TMA16: variants seen among roughly 807,000 people sequenced by gnomAD.
TMA16 encodes translation machinery-associated protein 16.
In TMA16, 26 loss-of-function variants were observed where a neutral mutation model predicts 27.1. That is an observed-to-expected ratio of 0.96 (90% CI 0.70 to 1.33). The LOEUF is 1.33. Among genes scored for constraint, TMA16 ranks in the 40% most tolerant of loss-of-function variants. The probability of loss-of-function intolerance (pLI) is 0.00; values close to 1 mark genes in which losing one functional copy is unlikely to be tolerated. For missense variants in TMA16, 233 were observed against 241.4 expected, an observed-to-expected ratio of 0.97 and a Z score of 0.23; for synonymous variants, 71 against 81.9, an observed-to-expected ratio of 0.87 and a Z score of 0.72.
intron 1 of TMA16, among the ~76,000 whole-genome samples, chr4:163,503,102 A>C (rs901512057): frequency 6.6e-6 from 1 of 152,220 alleles, no homozygotes; most frequent in Non-Finnish European, 1.5e-5. Context: ...GCAATAGGCT[A>C]TGCCATAGAG....
intron 1 of TMA16, among the ~76,000 whole-genome samples, chr4:163,503,209 T>C (rs1403716361): frequency 6.6e-6 from 1 of 152,194 alleles, no homozygotes; most frequent in East Asian, 1.9e-4. Context: ...TCCCAGAAAG[T>C]ATCCCTGTTA....
intron 6 of TMA16, 145 bp downstream of exon 6, chr4:163,517,621 T>C: frequency 1.5e-6 from 1 of 655,158 alleles, no homozygotes; most frequent in South Asian, 2.3e-5. Context: ...CAAGTAAGAA[T>C]TTTCTGAAGT....
chr4:163,519,598 A>G lies in TMA16; in HGVS notation c.*84A>G, dbSNP rs911585530. 10 of 1,294,450 alleles carry G rather than the reference A, an allele frequency of 7.7e-6. No individual in the cohort carries two copies. In the Admixed American group the frequency reaches 3.5e-4, roughly 45 times the overall value. The allele number at this position is 1,294,450 out of a possible 1,614,324, so 80.2% of individuals were successfully genotyped here. On this transcript the variant is annotated 3_prime_UTR_variant, in exon 7 of 7. Transcript: ENST00000358572. Reference sequence around the variant, plus strand: ...TATGGTACCTAATTGTCATGATACAAAAATTTGATACTGACATTCTCTTAT... The same window carrying G: ...TATGGTACCTAATTGTCATGATACAGAAATTTGATACTGACATTCTCTTAT...
chr4:163,515,272 T>C, intron 4 of TMA16, 41 bp from the exon 5 acceptor site: 1 of 1,575,956 alleles, frequency 6.3e-7, no homozygotes, highest in Non-Finnish European at 8.6e-7. Context: ...GCCCAATACA[T>C]ATACTTTGTA....
intron 1 of TMA16, among the ~76,000 whole-genome samples, chr4:163,502,407 TCTTTA>T (rs1323574631): frequency 1.3e-5 from 2 of 152,188 alleles, no homozygotes; most frequent in African/African-American, 4.8e-5. Flanking sequence ...CATCCCACTT[TCTTTA>T]CTTCTCTCAA....
At position 163,515,339 on chromosome 4, in the gene TMA16, T is replaced by A; in HGVS notation, c.266T>A (p.Leu89Gln). ...ERYLNRFSSE[L>Q]EQIELHNSIR... Reference sequence around the variant, plus strand: ...TACTTAAATCGATTCAGCAGTGAGCTGGAGCAGATTGAGTTACATAACAGT... The same window carrying A: ...TACTTAAATCGATTCAGCAGTGAGCAGGAGCAGATTGAGTTACATAACAGT... Residue 89 changes from leucine (L) to glutamine (Q), a missense_variant, in exon 5 of 7, where the codon CTG (leucine) becomes CAG (glutamine). Transcript: ENST00000358572. 1 of 1,612,534 alleles carries A rather than the reference T, an allele frequency of 6.2e-7. No individual in the cohort carries two copies. Among genetic ancestry groups the A allele is most frequent in the Non-Finnish European group, 8.5e-7 (1 of 1,179,610 alleles).
chr4:163,495,189 A>C (rs1579011821), intron 1 of TMA16, among the ~76,000 whole-genome samples: 1 of 152,302 alleles, frequency 6.6e-6, no homozygotes, highest in African/African-American at 2.4e-5. Context: ...GGGTAGACTC[A>C]GTATGTGGGC....
At chr4:163,502,020 A>G (rs556670994) in intron 1 of TMA16, among the ~76,000 whole-genome samples, 66 of 152,304 alleles carry the variant, frequency 4.3e-4, no homozygotes, top group African/African-American at 1.6e-3. Flanking sequence ...CTCAGTGCTT[A>G]TCCTAGTACA....
chr4:163,515,513 T>A (rs779575124), intron 5 of TMA16, 52 bp downstream of exon 5: 1 of 1,473,876 alleles, frequency 6.8e-7, no homozygotes, highest in Non-Finnish European at 9.1e-7. Flanking sequence ...CAGTATCAAT[T>A]TGTGATTGAT....
chr4:163,509,154 G>A (rs1200445687), intron 2 of TMA16, among the ~76,000 whole-genome samples: 1 of 152,124 alleles, frequency 6.6e-6, no homozygotes, highest in Non-Finnish European at 1.5e-5. Context: ...CACTATAGAT[G>A]TCAGTTTTTT....
chr4:163,512,610 G>A (rs1025536113), intron 2 of TMA16: 1 of 456,874 alleles, frequency 2.2e-6, no homozygotes, highest in Non-Finnish European at 4.0e-6. Context: ...TAGACATTGA[G>A]GTGCTTAAAG....
intron 6 of TMA16, among the ~76,000 whole-genome samples, chr4:163,518,347 T>C (rs1560917410): frequency 6.6e-6 from 1 of 152,138 alleles, no homozygotes; most frequent in Non-Finnish European, 1.5e-5. Flanking sequence ...TATGGCTAAG[T>C]CCTCAAGCAA....
Position 163,515,468 on chromosome 4 carries a change from T to C in TMA16, c.388+7T>C. On this transcript the variant is annotated splice_region_variant and intron_variant, in intron 5 of 6. Coordinates refer to ENST00000358572, the MANE Select transcript of TMA16 (RefSeq NM_018352.3). ...TTTGAGGGATATGGCCTTGGTGTGC[T>C]CACTGATTTTTTATTTTCCTTTTAT... 1 of 1,603,190 alleles carries C rather than the reference T, an allele frequency of 6.2e-7. No homozygotes were observed.
Position 163,494,765 on chromosome 4 carries a change from G to T in TMA16, c.-37G>T. ...CGGTTGGTGAGATTACCTGGGTCTA[G>T]AGTGCGGAGCTGCTCCGTGGCCACG... On this transcript the variant is annotated 5_prime_UTR_variant, in exon 1 of 7. Transcript: ENST00000358572. The T allele has an allele frequency of 3.1e-6, 5 of 1,613,086 alleles. No homozygotes were observed. The highest frequency in any genetic ancestry group is 4.2e-6 in the Non-Finnish European group (5 of 1,180,018).
At position 163,519,317 on chromosome 4, in the gene TMA16, T is replaced by G. The variant is rs761525737; in HGVS notation, c.432-17T>G. The G allele has an allele frequency of 3.9e-6, 6 of 1,544,152 alleles. No individual in the cohort carries two copies. In the African/African-American group the frequency reaches 7.1e-5, roughly 18 times the overall value. Reference sequence around the variant, plus strand: ...TACCAACACTCTGCACTCTTTTTTTTTTTTCCTTTTGTCTAGGGAATGGGA... The same window carrying G: ...TACCAACACTCTGCACTCTTTTTTTGTTTTCCTTTTGTCTAGGGAATGGGA... On this transcript the variant is annotated splice_polypyrimidine_tract_variant and intron_variant, in intron 6 of 6. Coordinates refer to ENST00000358572, the MANE Select transcript of TMA16 (RefSeq NM_018352.3).
At chr4:163,501,292 G>A (rs1041049875) in intron 1 of TMA16, among the ~76,000 whole-genome samples, 5 of 152,116 alleles carry the variant, frequency 3.3e-5, no homozygotes, top group African/African-American at 7.2e-5. Flanking sequence ...ATGGGGTTGC[G>A]TGTGAGATGA....
At chr4:163,498,197 C>T (rs78571346) in intron 1 of TMA16, among the ~76,000 whole-genome samples, 2,527 of 152,006 alleles carry the variant, frequency 0.017, 64 homozygotes, top group African/African-American at 0.057. Context: ...ACAGACATTG[C>T]AATACTGCTG....
At chr4:163,518,876 G>A (rs569850743) in intron 6 of TMA16, among the ~76,000 whole-genome samples, 5 of 152,064 alleles carry the variant, frequency 3.3e-5, no homozygotes, top group African/African-American at 1.2e-4. Flanking sequence ...CCAGAAACAA[G>A]AAAAGAGATG....
chr4:163,503,881 T>C (rs1426728629), intron 1 of TMA16, among the ~76,000 whole-genome samples: 1 of 152,218 alleles, frequency 6.6e-6, no homozygotes, highest in Non-Finnish European at 1.5e-5. Flanking sequence ...TCACTGTATA[T>C]TCATATCCTG....
Sources: gnomAD v4.1 joint callset for allele counts (sites outside exome capture counted in the v4.1 genomes callset) on GRCh38, gnomAD v4.1.1 for gene constraint, MANE v1.5 for transcripts, NCBI Gene and HGNC (gene_info 2026-07-23, HGNC 2026-07-21) for gene names.